FCAMR: variants seen among roughly 807,000 people sequenced by gnomAD.
FCAMR encodes high affinity immunoglobulin alpha and immunoglobulin mu Fc receptor.
In FCAMR, 51 loss-of-function variants were observed where a neutral mutation model predicts 52.2. That is an observed-to-expected ratio of 0.98 (90% confidence interval 0.78 to 1.23). The LOEUF is 1.23. Among genes scored for constraint, FCAMR ranks in the 50% most tolerant of loss-of-function variants. FCAMR has a pLI of 0.00. For missense variants in FCAMR, 719 were observed against 712.6 expected, an observed-to-expected ratio of 1.01 and a Z score of -0.10; for synonymous variants, 282 against 262.0, an observed-to-expected ratio of 1.08 and a Z score of -0.74.
Position 206,962,297 on chromosome 1 carries a change from G to A in FCAMR, c.568C>T (p.Pro190Ser), listed in dbSNP as rs1044727988. ...LFVVRLSQLS[P>S]DDIGCYLCGI... Reference sequence around the variant, plus strand: ...CAGAGGTAGCATCCGATGTCATCCGGGGACAGTTGGGACAGCCTCACCACA... The same window carrying A: ...CAGAGGTAGCATCCGATGTCATCCGAGGACAGTTGGGACAGCCTCACCACA... Residue 190 changes from proline (P) to serine (S), a missense_variant, in exon 5 of 8, where the codon CCG (proline) becomes TCG (serine). By Grantham distance (74) the Pro-to-Ser change is moderately conservative. Transcript: ENST00000324852. The A allele has an allele frequency of 6.2e-7, 1 of 1,614,172 alleles. No individual in the cohort carries two copies. The highest frequency in any genetic ancestry group is 8.5e-7 in the Non-Finnish European group (1 of 1,180,024).
intron 4 of FCAMR, among the ~76,000 whole-genome samples, chr1:206,962,811 T>C (rs1006788209): frequency 6.6e-6 from 1 of 152,146 alleles, no homozygotes; most frequent in Admixed American, 6.5e-5. Context: ...TCCTGGTCCA[T>C]CCAGAGCCTG....
Position 206,960,400 on chromosome 1 carries a change from G to T in FCAMR, c.1454+22C>A, listed in dbSNP as rs920093215. Reference sequence around the variant, plus strand: ...GAGGCAGATGTGGGGCCCCCCAACCGGGAGAAGGTGCCTGGGGTTACCGCT... The same window carrying T: ...GAGGCAGATGTGGGGCCCCCCAACCTGGAGAAGGTGCCTGGGGTTACCGCT... On this transcript the variant is annotated intron_variant, in intron 6 of 7. Transcript: ENST00000324852. The T allele has an allele frequency of 1.2e-5, 17 of 1,465,044 alleles. No individual in the cohort carries two copies. In the Admixed American group the frequency reaches 3.3e-4, roughly 28 times the overall value. 90.8% of individuals were successfully genotyped at this position (1,465,044 alleles called of 1,614,324 possible).
rs536662428 is a variant in FCAMR at position 206,967,731 on chromosome 1, G to A, written c.40-80C>T. 1.0e-5 allele frequency: 14 copies of A among 1,352,418 alleles called. No individual in the cohort carries two copies. In the African/African-American group the frequency reaches 1.6e-4, roughly 15 times the overall value. The allele number at this position is 1,352,418 out of a possible 1,614,324, so 83.8% of individuals were successfully genotyped here. On this transcript the variant is annotated intron_variant, in intron 1 of 7. Coordinates refer to ENST00000324852, the MANE Select transcript of FCAMR (RefSeq NM_001170631.2). The stretch of plus-strand genomic sequence containing the variant: ...AGTATGCCTCGGTTAGTAACAAGGA[G>A]TTAAAAATTAAATCTCAGACCAAGT...
chr1:206,967,717 G>GC, intron 1 of FCAMR, 66 bp from the exon 2 acceptor site: 1 of 1,453,788 alleles, frequency 6.9e-7, no homozygotes, highest in Non-Finnish European at 9.7e-7. Context: ...GTATGCCTCG[G>GC]TTAGTAACAA....
rs556798122 is a variant in FCAMR at position 206,961,138 on chromosome 1, G to C, written c.738C>G (p.Asn246Lys). Residue 246 changes from asparagine (N) to lysine (K), a missense_variant, in exon 6 of 8, where the codon AAC becomes AAG. By Grantham distance (94) the Asn-to-Lys change is moderately conservative. Coordinates refer to ENST00000324852, the MANE Select transcript of FCAMR (RefSeq NM_001170631.2). ...TCTGGGTGGTTCCTGGGGTCCATCT[G>C]TTGGCCACTGGAGACGCTGTTCCAT... ...RSYGTASPVA[N>K]RWTPGTTQTL... 1.9e-6 allele frequency: 3 copies of C among 1,551,754 alleles called. No homozygotes were observed. In the African/African-American group the frequency reaches 4.1e-5, roughly 21 times the overall value.
In FCAMR at chr1:206,962,475, G is replaced by A. The variant is rs755087173; in HGVS notation, c.390C>T (p.Ala130=). Residue 130 remains alanine, a synonymous_variant, in exon 5 of 8, where the codon GCC becomes GCT. Coordinates refer to ENST00000324852, the MANE Select transcript of FCAMR (RefSeq NM_001170631.2). The stretch of plus-strand genomic sequence containing the variant: ...TCTGGTGCCTGTTGACAGATGAGGG[G>A]GCATAATGGCACTGGATGGTGACAG... ...GGAVTIQCHY[A]PSSVNRHQRK... The A allele has an allele frequency of 6.2e-6, 10 of 1,611,930 alleles. No homozygotes were observed. In the African/African-American group the frequency reaches 9.4e-5, roughly 15 times the overall value.
At chr1:206,961,773 C>T (rs911318812) in intron 5 of FCAMR, among the ~76,000 whole-genome samples, 1 of 152,212 alleles carries the variant, frequency 6.6e-6, no homozygotes, top group African/African-American at 2.4e-5. Context: ...TGGGAGCTGT[C>T]AGATGTTGGC....
In FCAMR at chr1:206,970,287, G is replaced by A. The variant is rs1680887514; in HGVS notation, c.-162C>T. ...GCAACGGAAGGTCGGGGTGCAAGGC[G>A]TAGCTCTGCCACTCACCTCAAGTCA... On this transcript the variant is annotated 5_prime_UTR_variant, in exon 1 of 8. In the 5' UTR this introduces an upstream ATG that the reference lacks. Coordinates refer to ENST00000324852, the MANE Select transcript of FCAMR (RefSeq NM_001170631.2). 1.7e-5 allele frequency: 11 copies of A among 666,380 alleles called. No individual in the cohort carries two copies. Among genetic ancestry groups the A allele is most frequent in the South Asian group, 3.8e-5 (2 of 52,252 alleles). The allele number at this position is 666,380 out of a possible 1,614,324, so 41.3% of individuals were successfully genotyped here. A position where few individuals can be genotyped will look rare whatever the true frequency, so the allele number is the denominator to read the frequency against.
At position 206,970,120 on chromosome 1, in the gene FCAMR, A is replaced by T. The variant is rs1408288277; in HGVS notation, c.6T>A (p.Asp2Glu). 6.2e-7 allele frequency: 1 copy of T among 1,613,936 alleles called. No homozygotes were observed. Among genetic ancestry groups the T allele is most frequent in the African/African-American group, 1.3e-5 (1 of 74,882 alleles). Residue 2 changes from aspartate (D) to glutamate (E), a missense_variant, in exon 1 of 8, where the codon GAT becomes GAA. Coordinates refer to ENST00000324852, the MANE Select transcript of FCAMR (RefSeq NM_001170631.2). The stretch of plus-strand genomic sequence containing the variant: ...CTCCAGGCTTCACTGTGGCCTCTCC[A>T]TCCATCTCAGTCCAGAAACAAGATC... The part of the protein sequence containing the change: M[D>E]GEATVKPGEQ...
chr1:206,966,547 G>A (rs1302153721), intron 3 of FCAMR, among the ~76,000 whole-genome samples: 3 of 152,026 alleles, frequency 2.0e-5, no homozygotes, highest in East Asian at 1.9e-4. Flanking sequence ...CACCAGGCCC[G>A]GCTAATTTTT....
chr1:206,967,122 A>G lies in FCAMR; in HGVS notation c.109-10T>C, dbSNP rs1182783285. 6.2e-7 allele frequency: 1 copy of G among 1,613,458 alleles called. No homozygotes were observed. The highest frequency in any genetic ancestry group is 8.5e-7 in the Non-Finnish European group (1 of 1,179,854). On this transcript the variant is annotated splice_polypyrimidine_tract_variant and intron_variant, in intron 2 of 7. Coordinates refer to ENST00000324852, the MANE Select transcript of FCAMR (RefSeq NM_001170631.2). The stretch of plus-strand genomic sequence containing the variant: ...CCCTCCTGCTGGTGACCTGCAAAAA[A>G]CACTCTAAATGAAAAGAGGCCTGAG...
intron 3 of FCAMR, 83 bp from the exon 4 acceptor site, chr1:206,965,941 A>C (rs2102266536): frequency 1.3e-6 from 2 of 1,588,468 alleles, no homozygotes; most frequent in East Asian, 2.3e-5. Flanking sequence ...GCAAACAGCC[A>C]GTTCCAAACC....
intron 2 of FCAMR, 143 bp downstream of exon 2, chr1:206,967,440 G>C (rs565162837): frequency 2.5e-5 from 22 of 864,002 alleles, no homozygotes; most frequent in Non-Finnish European, 3.7e-5. Context: ...TGAGTTTGTG[G>C]GGAGCACCGT....
chr1:206,965,881 G>A (rs1680690476), intron 3 of FCAMR, 23 bp from the exon 4 acceptor site: 1 of 1,608,746 alleles, frequency 6.2e-7, no homozygotes, highest in Non-Finnish European at 8.5e-7. Context: ...AAGGAGATGG[G>A]TCATCAGGGG....
chr1:206,969,966 TG>T, intron 1 of FCAMR, 120 bp downstream of exon 1: 11 of 1,243,026 alleles, frequency 8.8e-6, no homozygotes, highest in Admixed American at 1.9e-5. Context: ...CCTGGCCTCC[TG>T]GGAAGGAGCC....
chr1:206,966,910 T>C, intron 3 of FCAMR, 142 bp downstream of exon 3: 1 of 714,626 alleles, frequency 1.4e-6, no homozygotes, highest in South Asian at 1.8e-5. Flanking sequence ...TACTACAGCA[T>C]GGAGATGGAG....
At chr1:206,964,367 T>C (rs1327204357) in intron 4 of FCAMR, among the ~76,000 whole-genome samples, 1 of 152,058 alleles carries the variant, frequency 6.6e-6, no homozygotes, top group Non-Finnish European at 1.5e-5. Flanking sequence ...CCCCAGAAAG[T>C]TCAGTTTAAT....
At chr1:206,967,154 T>G in intron 2 of FCAMR, 42 bp from the exon 3 acceptor site, 107 of 1,569,608 alleles carry the variant, frequency 6.8e-5, no homozygotes, top group Non-Finnish European at 8.8e-5. Context: ...TGAGAGAAGC[T>G]GGGTGAGGGT....
rs1467997614 is a variant in FCAMR, at chr1:206,961,177, G to A, written c.699C>T (p.Leu233=). Residue 233 remains leucine, a synonymous_variant, in exon 6 of 8, where the codon CTC becomes CTT. Coordinates refer to ENST00000324852, the MANE Select transcript of FCAMR (RefSeq NM_001170631.2). Reference sequence around the variant, plus strand: ...ACGCTGTTCCATAGGATCTCATGGTGAGCTCCCCAGCAGCTGGAGTGGCTG... The same window carrying A: ...ACGCTGTTCCATAGGATCTCATGGTAAGCTCCCCAGCAGCTGGAGTGGCTG... ...LPTATPAAGE[L]TMRSYGTASP... is the part of the protein sequence containing the mutation. The A allele has an allele frequency of 1.0e-5, 16 of 1,551,372 alleles. No homozygotes were observed. The Admixed American group carries it at 1.6e-4, about 15-fold the overall frequency.
Sources: gnomAD v4.1 joint callset for allele counts (sites outside exome capture counted in the v4.1 genomes callset) on GRCh38, gnomAD v4.1.1 for gene constraint, MANE v1.5 for transcripts, NCBI Gene and HGNC (gene_info 2026-07-23, HGNC 2026-07-21) for gene names.